Variants in PHACTR1 observed in about 807,000 individuals in gnomAD.
PHACTR1 encodes the protein phosphatase and actin regulator 1, also known as RPEL repeat containing 1.
PHACTR1 carries 16 observed loss-of-function variants against 69.2 expected under a neutral mutation model. That is an observed-to-expected ratio of 0.23 (90% confidence interval 0.16 to 0.35). The LOEUF is 0.35. Among genes scored for constraint, PHACTR1 ranks in the 10% least tolerant of loss-of-function variants. The pLI is 1.00. For synonymous variants in PHACTR1, 312 were observed against 284.5 expected (o/e 1.10, Z -0.97); for missense variants, 510 against 734.7 (o/e 0.69, Z 3.54).
At chr6:13,090,380 T>C (rs1813059862) in intron 5 of PHACTR1, among the ~76,000 whole-genome samples, 1 of 151,788 alleles carries the variant, frequency 6.6e-6, no homozygotes, top group African/African-American at 2.4e-5. Context: ...CTACTAAAGT[T>C]GTTCTTTAGT....
At chr6:13,097,006 A>G (rs1814373222) in intron 5 of PHACTR1, among the ~76,000 whole-genome samples, 1 of 152,254 alleles carries the variant, frequency 6.6e-6, no homozygotes, top group Non-Finnish European at 1.5e-5. Flanking sequence ...GATATTAAAA[A>G]AGAAGAGGAC....
At chr6:13,001,754 T>C (rs1182865914) in intron 4 of PHACTR1, among the ~76,000 whole-genome samples, 1 of 152,250 alleles carries the variant, frequency 6.6e-6, no homozygotes, top group Non-Finnish European at 1.5e-5. Context: ...CTTCTCACTT[T>C]GGTGTGAAAG....
chr6:13,047,152 C>T (rs1020068636), intron 4 of PHACTR1, among the ~76,000 whole-genome samples: 5 of 151,882 alleles, frequency 3.3e-5, no homozygotes, highest in East Asian at 1.9e-4. Flanking sequence ...CCAAGGTGGG[C>T]GGATCACATG....
intron 10 of PHACTR1, among the ~76,000 whole-genome samples, chr6:13,262,585 G>A (rs1022996716): frequency 3.3e-5 from 5 of 152,184 alleles, no homozygotes; most frequent in African/African-American, 1.2e-4. Context: ...AACTGGGGAT[G>A]TAGTAATAAC....
At chr6:12,873,573 T>G (rs1309283430) in intron 4 of PHACTR1, among the ~76,000 whole-genome samples, 1 of 152,054 alleles carries the variant, frequency 6.6e-6, no homozygotes, top group East Asian at 1.9e-4. Flanking sequence ...TTACATCAGG[T>G]GTTCATGTAC....
Position 13,247,142 on chromosome 6 carries a change from T to G in PHACTR1, c.1391+16949T>G, listed in dbSNP as rs554293985. On this transcript the variant is annotated intron_variant, in intron 10 of 14. Transcript: ENST00000332995. ...CTTCAACTCATTAAAACAACAGTTA[T>G]TCAAAATGGGCAGCCTCTTTAGTGT... Among the ~76,000 whole-genome samples the G allele has an allele frequency of 4.9e-4, 75 of 152,302 alleles. 1 individual carries two copies. Among genetic ancestry groups the G allele is most frequent in the Middle Eastern group, 6.8e-3 (2 of 294 alleles).
At position 13,255,939 on chromosome 6, in the gene PHACTR1, C is replaced by A. The variant is rs429919; in HGVS notation, c.1392-16921C>A. On this transcript the variant is annotated intron_variant, in intron 10 of 14. Transcript: ENST00000332995. Reference sequence around the variant, plus strand: ...TTCTTACAGCTCCACTAGGCAGTGCCCCAGTGGGGACTCTGTGGGGGGGGC... The same window carrying A: ...TTCTTACAGCTCCACTAGGCAGTGCACCAGTGGGGACTCTGTGGGGGGGGC... 7.7e-4 allele frequency among the ~76,000 whole-genome samples: 118 copies of A among 152,286 alleles called. 4 individuals carry two copies. In the South Asian group the frequency reaches 0.02, roughly 25 times the overall value.
At chr6:12,917,071 G>A (rs1787094461) in intron 4 of PHACTR1, among the ~76,000 whole-genome samples, 1 of 152,220 alleles carries the variant, frequency 6.6e-6, no homozygotes, top group Admixed American at 6.5e-5. Flanking sequence ...GATTATAACT[G>A]TGGCTTCCAA....
At chr6:13,144,902 A>G (rs1274811347) in intron 5 of PHACTR1, among the ~76,000 whole-genome samples, 1 of 152,218 alleles carries the variant, frequency 6.6e-6, no homozygotes, top group South Asian at 2.1e-4. Flanking sequence ...AGTGATTAGA[A>G]CAATGTAGTA....
At chr6:13,272,798 A>C (rs1315672496) in intron 10 of PHACTR1, 62 bp from the exon 11 acceptor site, 2 of 1,613,934 alleles carry the variant, frequency 1.2e-6, no homozygotes, top group African/African-American at 2.7e-5. Context: ...AGGGCCGAGG[A>C]AATTAATGAC....
chr6:13,200,580 C>G (rs567775396), intron 7 of PHACTR1, among the ~76,000 whole-genome samples: 33 of 152,218 alleles, frequency 2.2e-4, no homozygotes, highest in African/African-American at 6.7e-4. Flanking sequence ...AAATAGTGCC[C>G]TTTTGTTCAG....
At chr6:13,212,896 C>T (rs1024018145) in intron 8 of PHACTR1, among the ~76,000 whole-genome samples, 129 of 152,194 alleles carry the variant, frequency 8.5e-4, no homozygotes, top group African/African-American at 2.8e-3. Context: ...CAACCCTCCT[C>T]GCAACACAGC....
chr6:12,900,284 A>C (rs1441819070), intron 4 of PHACTR1, among the ~76,000 whole-genome samples: 2 of 143,106 alleles, frequency 1.4e-5, no homozygotes, highest in Non-Finnish European at 3.1e-5. Flanking sequence ...TTAGCTCATC[A>C]TTTTTTTTTT....
chr6:13,091,997 A>G (rs187270464), intron 5 of PHACTR1, among the ~76,000 whole-genome samples: 113 of 152,198 alleles, frequency 7.4e-4, no homozygotes, highest in Admixed American at 2.5e-3. Flanking sequence ...ACGGGGTTTC[A>G]CTGTGTTAGC....
At chr6:12,844,004 C>G (rs893999639) in intron 4 of PHACTR1, among the ~76,000 whole-genome samples, 80 of 152,190 alleles carry the variant, frequency 5.3e-4, no homozygotes, top group African/African-American at 1.8e-3. Flanking sequence ...GCAATAATCA[C>G]TTTGAGTCAA....
At chr6:13,178,237 C>A (rs1364733273) in intron 6 of PHACTR1, among the ~76,000 whole-genome samples, 1 of 152,220 alleles carries the variant, frequency 6.6e-6, no homozygotes. Flanking sequence ...CTCTCTCCAG[C>A]CCCATTGTCC....
intron 9 of PHACTR1, among the ~76,000 whole-genome samples, chr6:13,229,788 G>A (rs775573022): frequency 3.3e-5 from 5 of 152,178 alleles, no homozygotes; most frequent in Non-Finnish European, 7.3e-5. Flanking sequence ...TGTTGCCTGC[G>A]TGCTAGACAT....
At chr6:13,094,759 AT>A (rs1168654667) in intron 5 of PHACTR1, among the ~76,000 whole-genome samples, 2 of 151,968 alleles carry the variant, frequency 1.3e-5, no homozygotes, top group African/African-American at 2.4e-5. Flanking sequence ...GATTAAGTAC[AT>A]TTGATTATTA....
intron 4 of PHACTR1, among the ~76,000 whole-genome samples, chr6:12,868,223 C>T (rs558983923): frequency 6.7e-6 from 1 of 149,022 alleles, no homozygotes; most frequent in Non-Finnish European, 1.5e-5. Flanking sequence ...CGCCACTGCA[C>T]TCCAGCCTGG....
Sources: allele counts gnomAD v4.1 joint callset (sites outside exome capture counted in the v4.1 genomes callset), GRCh38; gene constraint gnomAD v4.1.1; transcripts MANE v1.5; gene names NCBI Gene and HGNC (gene_info 2026-07-23, HGNC 2026-07-21).